Variants in KLHL35 observed in about 807,000 individuals in gnomAD.
KLHL35 encodes kelch-like protein 35.
KLHL35 carries 50 observed loss-of-function variants against 44.0 expected under a neutral mutation model. That is an observed-to-expected ratio of 1.14 (90% CI 0.91 to 1.44). The LOEUF (loss-of-function observed/expected upper bound fraction) is 1.44. Among genes scored for constraint, KLHL35 ranks in the 40% most tolerant of loss-of-function variants. KLHL35 has a pLI of 0.00. For missense variants in KLHL35, 1,049 were observed against 887.8 expected (o/e 1.18, Z -2.31); for synonymous variants, 470 against 410.4 (o/e 1.15, Z -1.76).
rs1948523236 is a variant in KLHL35 at position 75,430,157 on chromosome 11, A to G, written c.473T>C (p.Leu158Pro). Residue 158 changes from leucine to proline, a missense_variant, in exon 2 of 7, where the codon CTG becomes CCG. By Grantham distance (98) the Leu-to-Pro change is moderately conservative (BLOSUM62 -3). Coordinates refer to ENST00000539798, the MANE Select transcript of KLHL35 (RefSeq NM_001039548.3). ...CGAGAAGGCGGCGGCCACGCGGCGC[A>G]GCGCTAGGCTGTTGGCGGCGCGCAG... is the stretch of plus-strand genomic sequence containing the variant. ...GRLRAANSLALRRVAAAFSLA... is the reference protein window; with the variant it reads ...GRLRAANSLAPRRVAAAFSLA... 1.6e-6 allele frequency: 2 copies of G among 1,232,600 alleles called. No homozygotes were observed. Among genetic ancestry groups the G allele is most frequent in the African/African-American group, 1.6e-5 (1 of 62,692 alleles). 76.4% of individuals were successfully genotyped at this position (1,232,600 alleles called of 1,614,324 possible).
Position 75,426,587 on chromosome 11 carries a change from G to A in KLHL35, c.1118C>T (p.Thr373Ile). 3.7e-6 allele frequency: 6 copies of A among 1,606,860 alleles called. No homozygotes were observed. The South Asian group carries it at 6.7e-5, about 18-fold the overall frequency. Residue 373 changes from threonine (T) to isoleucine (I), a missense_variant, in exon 4 of 7, where the codon ACC becomes ATC. Transcript: ENST00000539798. ...GTGCAGAGAGGCTACCTTGATCCAG[G>A]TGTGCAGATGGGAGCTAAACATCCA... ...DVWMFSSHLH[T>I]WIKVASLHKG...
chr11:75,429,893 A>T lies in KLHL35; in HGVS notation c.737T>A (p.Leu246Gln). 3 of 1,513,858 alleles carry T rather than the reference A, an allele frequency of 2.0e-6. No homozygotes were observed. The highest frequency in any genetic ancestry group is 2.6e-6 in the Non-Finnish European group (3 of 1,141,208). 93.8% of individuals were successfully genotyped at this position (1,513,858 alleles called of 1,614,324 possible). ...RRLLEHVRLP[L>Q]LAPAYFLEKV... is the part of the protein sequence containing the mutation. ...CTCCAGGAAGTAAGCGGGCGCCAGT[A>T]GCGGCAGGCGCACGTGCTCCAGCAG... Residue 246 changes from leucine (L) to glutamine (Q), a missense_variant, in exon 2 of 7, where the codon CTA becomes CAA. Transcript: ENST00000539798.
At chr11:75,425,603 G>T in intron 4 of KLHL35, 22 bp from the exon 5 acceptor site, 2 of 1,450,120 alleles carry the variant, frequency 1.4e-6, no homozygotes. Context: ...GACATGGGCC[G>T]GGGAGCCGGG....
At position 75,422,646 on chromosome 11, in the gene KLHL35, C is replaced by T; in HGVS notation, c.1686G>A (p.Gln562=). 5.0e-6 allele frequency: 8 copies of T among 1,614,002 alleles called. No homozygotes were observed. Among genetic ancestry groups the T allele is most frequent in the Non-Finnish European group, 5.9e-6 (7 of 1,179,888 alleles). Residue 562 remains glutamine (Q), a synonymous_variant, in exon 7 of 7, where the codon CAG becomes CAA. Transcript: ENST00000539798. ...AGCTGGTGCAGCGCTGCAGGGATGG[C>T]TGGACCTCCACCTGCCCACTGCTGG... ...FDPSSGQVEV[Q]PSLQRCTSSH...
At chr11:75,424,820 C>T (rs979375181) in intron 5 of KLHL35, 2 of 152,328 alleles carry the variant, frequency 1.3e-5, no homozygotes, top group Non-Finnish European at 2.9e-5. Context: ...GATGAGTAGA[C>T]TCTAGTTCAT....
chr11:75,430,145 G>A lies in KLHL35; in HGVS notation c.485C>T (p.Ala162Val). 8.0e-7 allele frequency: 1 copy of A among 1,251,708 alleles called. No individual in the cohort carries two copies. The highest frequency in any genetic ancestry group is 2.7e-5 in the South Asian group (1 of 37,412). 77.5% of individuals were successfully genotyped at this position (1,251,708 alleles called of 1,614,324 possible). ...CAGCGGGGCCAGCGAGAAGGCGGCG[G>A]CCACGCGGCGCAGCGCTAGGCTGTT... ...AANSLALRRV[A>V]AAFSLAPLAE... The change falls in exon 2 of 7, where the codon GCC (alanine) becomes GTC (valine). Residue 162 changes from alanine (A) to valine (V), a missense_variant. By Grantham distance (64) the Ala-to-Val change is moderately conservative (BLOSUM62 0). Transcript: ENST00000539798.
intron 4 of KLHL35, 62 bp from the exon 5 acceptor site, chr11:75,425,643 C>T (rs1034235702): frequency 3.0e-6 from 4 of 1,319,688 alleles, no homozygotes; most frequent in East Asian, 3.0e-5. Flanking sequence ...TCGGCCTCAT[C>T]GCTTCAGTCC....
rs750865887 is a variant in KLHL35, at chr11:75,423,690, A to G, written c.1563+2T>C. ...CTCTCCTGCCTTGAAGCCTCCACTT[A>G]CCACAGGGCTGGGGAGGACAGCTGC... On this transcript the variant is annotated splice_donor_variant, in intron 6 of 6. Transcript: ENST00000539798. LOFTEE classifies it high-confidence loss of function. The G allele has an allele frequency of 6.2e-7, 1 of 1,612,984 alleles. No individual in the cohort carries two copies. Among genetic ancestry groups the G allele is most frequent in the Non-Finnish European group, 8.5e-7 (1 of 1,179,376 alleles).
At position 75,422,476 on chromosome 11, in the gene KLHL35, A is replaced by G; in HGVS notation, c.*104T>C. 9.7e-7 allele frequency: 1 copy of G among 1,030,156 alleles called. No individual in the cohort carries two copies. The allele number at this position is 1,030,156 out of a possible 1,614,324, so 63.8% of individuals were successfully genotyped here. ...TTTTATTTATACAAGAAAAGGGACC[A>G]TTAAGTTAAGGGCTGTTTGCGTGGA... On this transcript the variant is annotated 3_prime_UTR_variant, in exon 7 of 7. Transcript: ENST00000539798.
Position 75,430,084 on chromosome 11 carries a change from GA to G in KLHL35, c.545del (p.Phe182SerfsTer117). ...AGTCGGCGTGGCGCGCCACCTCGGC[GA>G]AGGCCTGACGCAGGACGCGGCCGCA... ...ERCGRVLRQA[F>X]AEVARHADFL... On this transcript the variant is annotated frameshift_variant, in exon 2 of 7. Coordinates refer to ENST00000539798, the MANE Select transcript of KLHL35 (RefSeq NM_001039548.3). LOFTEE classifies it high-confidence loss of function. The G allele has an allele frequency of 7.2e-7, 1 of 1,379,478 alleles. No individual in the cohort carries two copies. The highest frequency in any genetic ancestry group is 1.6e-5 in the South Asian group (1 of 63,886). 85.5% of individuals were successfully genotyped at this position (1,379,478 alleles called of 1,614,324 possible).
chr11:75,429,567 C>G (rs1312748634), intron 2 of KLHL35, among the ~76,000 whole-genome samples, 182 bp downstream of exon 2: 1 of 152,260 alleles, frequency 6.6e-6, no homozygotes, highest in Non-Finnish European at 1.5e-5. Flanking sequence ...GGGGTCTCTG[C>G]ATCTCCCTCA....
chr11:75,430,750 T>C, intron 1 of KLHL35, 120 bp from the exon 2 acceptor site: 1 of 893,864 alleles, frequency 1.1e-6, no homozygotes, highest in South Asian at 4.1e-5. Flanking sequence ...CTCCCCTCCG[T>C]TCAGCATCCA....
rs760502994 is a variant in KLHL35, at chr11:75,425,430, A to G, written c.1337T>C (p.Ile446Thr). 4.9e-5 allele frequency: 77 copies of G among 1,569,384 alleles called. 2 individuals are homozygous for G. Among genetic ancestry groups the G allele is most frequent in the South Asian group, 3.1e-4 (27 of 86,574 alleles). ...GACGCCGCCCTGCCTGGCGCCCCCA[A>G]TCACGAAGAGCTTGCCCGCGCAGGA... ...VASCAGKLFV[I>T]GGARQGGVNT... The change falls in exon 5 of 7, where the codon ATT becomes ACT. Residue 446 changes from isoleucine (I) to threonine (T), a missense_variant. Ile to Thr is a moderately conservative substitution (Grantham distance 89, BLOSUM62 -1). Transcript: ENST00000539798.
At chr11:75,429,600 G>A (rs149206122) in intron 2 of KLHL35, 149 bp downstream of exon 2, 17 of 1,026,646 alleles carry the variant, frequency 1.7e-5, no homozygotes, top group Admixed American at 4.0e-5. Flanking sequence ...CTCTTCAAGG[G>A]CAGAATTATG....
intron 6 of KLHL35, 97 bp from the exon 7 acceptor site, chr11:75,422,865 C>T (rs1386838399): frequency 8.7e-7 from 1 of 1,144,174 alleles, no homozygotes; most frequent in East Asian, 2.4e-5. Flanking sequence ...GACCCACAGA[C>T]TGTGAACAGG....
chr11:75,429,248 G>A (rs1158023588), intron 2 of KLHL35, among the ~76,000 whole-genome samples: 2 of 152,140 alleles, frequency 1.3e-5, no homozygotes, highest in Non-Finnish European at 2.9e-5. Flanking sequence ...TAATTCCTTT[G>A]GCACATATTT....
chr11:75,425,936 G>T, intron 4 of KLHL35: 1 of 245,476 alleles, frequency 4.1e-6, no homozygotes, highest in East Asian at 7.7e-5. Flanking sequence ...AATTCGGGAT[G>T]TAGCTTACAA....
chr11:75,430,575 C>G lies in KLHL35; in HGVS notation c.55G>C (p.Ala19Pro), dbSNP rs1213134120. 6.9e-7 allele frequency: 1 copy of G among 1,449,388 alleles called. No individual in the cohort carries two copies. The highest frequency in any genetic ancestry group is 1.3e-5 in the South Asian group (1 of 74,506). 89.8% of individuals were successfully genotyped at this position (1,449,388 alleles called of 1,614,324 possible). ...ESEPGCEAPC[A>P]GPCHAQRVLQ... ...ACGCGCTGCGCGTGGCACGGACCCG[C>G]GCACGGCGCTTCGCAGCCCGGCTCC... The change falls in exon 2 of 7, where the codon GCG (alanine) becomes CCG (proline). Residue 19 changes from alanine (A) to proline (P), a missense_variant. Coordinates refer to ENST00000539798, the MANE Select transcript of KLHL35 (RefSeq NM_001039548.3).
At position 75,429,920 on chromosome 11, in the gene KLHL35, C is replaced by G; in HGVS notation, c.710G>C (p.Arg237Pro). Reference protein sequence around the residue: ...DAPARRGQLRRLLEHVRLPLL... With the variant: ...DAPARRGQLRPLLEHVRLPLL... ...CGGCAGGCGCACGTGCTCCAGCAGG[C>G]GTCGCAGCTGGCCGCGGCGGGCCGG... is the stretch of plus-strand genomic sequence containing the variant. Residue 237 changes from arginine to proline, a missense_variant, in exon 2 of 7, where the codon CGC becomes CCC. Arg to Pro is a moderately radical substitution (Grantham distance 103). Transcript: ENST00000539798. 6.7e-7 allele frequency: 1 copy of G among 1,484,318 alleles called. No homozygotes were observed. The allele number at this position is 1,484,318 out of a possible 1,614,324, so 91.9% of individuals were successfully genotyped here. A position where few individuals can be genotyped will look rare whatever the true frequency, so the allele number is the denominator to read the frequency against.
Sources: allele counts gnomAD v4.1 joint callset (sites outside exome capture counted in the v4.1 genomes callset), GRCh38; gene constraint gnomAD v4.1.1; transcripts MANE v1.5; gene names NCBI Gene and HGNC (gene_info 2026-07-23, HGNC 2026-07-21).